The following SIK3 variants were observed in gnomAD, a reference collection of about 807,000 sequenced individuals.
SIK3 encodes the protein SIK family kinase 3.
SIK3 carries 28 observed loss-of-function variants against 144.2 expected under a neutral mutation model. The ratio of observed to expected loss-of-function variants is 0.19; its 90% CI spans 0.14 to 0.27. SIK3 has a LOEUF of 0.27. SIK3 is among the 10% of genes least tolerant of loss of function. The pLI is 1.00. For missense variants in SIK3, 1,319 were observed against 1,776.0 expected, an observed-to-expected ratio of 0.74 and a Z score of 4.62; for synonymous variants, 686 against 676.3, an observed-to-expected ratio of 1.01 and a Z score of -0.22.
intron 6 of SIK3, among the ~76,000 whole-genome samples, chr11:116,888,503 G>A (rs887353511): frequency 8.5e-5 from 13 of 152,308 alleles, no homozygotes; most frequent in East Asian, 3.9e-4. Flanking sequence ...TCTAAGCTAA[G>A]AAAAGCCTAA....
At chr11:116,984,276 G>A (rs1348075300) in intron 1 of SIK3, among the ~76,000 whole-genome samples, 4 of 152,108 alleles carry the variant, frequency 2.6e-5, no homozygotes, top group African/African-American at 9.7e-5. Context: ...TTGGCTATTA[G>A]TAGGCACTGG....
At chr11:116,863,596 C>A in intron 16 of SIK3, 72 bp downstream of exon 16, 1 of 1,602,614 alleles carries the variant, frequency 6.2e-7, no homozygotes, top group Non-Finnish European at 8.5e-7. Context: ...ACGTTTACCA[C>A]CCCAGTCCTC....
chr11:116,882,126 C>G (rs58498695), intron 6 of SIK3, among the ~76,000 whole-genome samples: 165 of 152,174 alleles, frequency 1.1e-3, no homozygotes, highest in African/African-American at 3.8e-3. Flanking sequence ...GAATCACCCA[C>G]AAGCTAGGTT....
At chr11:116,958,159 C>A (rs141983847) in intron 1 of SIK3, among the ~76,000 whole-genome samples, 12 of 152,226 alleles carry the variant, frequency 7.9e-5, no homozygotes, top group Admixed American at 2.6e-4. Flanking sequence ...AGATTCTATG[C>A]ACCAGAGAGG....
Position 116,867,989 on chromosome 11 carries a change from G to A in SIK3, c.1909C>T (p.Arg637Cys), listed in dbSNP as rs55780426. 2.8e-4 allele frequency: 429 copies of A among 1,550,250 alleles called. No homozygotes were observed. Among genetic ancestry groups the A allele is most frequent in the Admixed American group, 1.6e-3 (82 of 50,974 alleles). Residue 637 changes from arginine to cysteine, a missense_variant, in exon 15 of 25, where the codon CGT becomes TGT. Arg to Cys is a radical substitution (Grantham distance 180, BLOSUM62 -3). Around this residue, in one of 8 missense-constraint regions of SIK3, gnomAD observed 47 missense variants for 40.2 expected, o/e 1.17. Coordinates refer to ENST00000445177, the MANE Select transcript of SIK3 (RefSeq NM_001366686.3). This position sits in a 1 kb window ranked among gnomAD's most constrained non-coding sequence, Gnocchi z 4.1. ...LQRQLGQQPFRSRVWPPHLVP... is the reference protein window; with the variant it reads ...LQRQLGQQPFCSRVWPPHLVP... ...AGGTGAGGAGGCCAGACCCGGGAACGGAAAGGCTGCTGTCCTAGCTGCCGT... is the reference window on the plus strand; with the variant it reads ...AGGTGAGGAGGCCAGACCCGGGAACAGAAAGGCTGCTGTCCTAGCTGCCGT...
chr11:117,077,488 CTCTT>C (rs1954603038), intron 1 of SIK3, among the ~76,000 whole-genome samples: 1 of 152,190 alleles, frequency 6.6e-6, no homozygotes, highest in African/African-American at 2.4e-5. Context: ...AATTTGCTGA[CTCTT>C]TCTTTTCCTA....
At chr11:117,082,837 T>C (rs1954845294) in intron 1 of SIK3, among the ~76,000 whole-genome samples, 1 of 152,118 alleles carries the variant, frequency 6.6e-6, no homozygotes, top group African/African-American at 2.4e-5. Flanking sequence ...GGTTAAGTAA[T>C]TTGCCCAAAG....
intron 3 of SIK3, among the ~76,000 whole-genome samples, chr11:116,943,907 A>G (rs1948442096): frequency 6.7e-6 from 1 of 148,400 alleles, no homozygotes; most frequent in African/African-American, 2.6e-5. Flanking sequence ...AATCACATTT[A>G]AAAGTAAAAA....
At chr11:117,058,535 A>G (rs1043281804) in intron 1 of SIK3, among the ~76,000 whole-genome samples, 12 of 151,902 alleles carry the variant, frequency 7.9e-5, no homozygotes, top group Admixed American at 6.6e-4. Flanking sequence ...AAAAAAAAAA[A>G]ATTACCTCCA....
chr11:116,983,259 T>C (rs1316501722), intron 1 of SIK3, among the ~76,000 whole-genome samples: 2 of 141,890 alleles, frequency 1.4e-5, no homozygotes, highest in Admixed American at 1.5e-4. Flanking sequence ...CGGCCAGGCA[T>C]GGTAGCTCAC....
chr11:117,001,102 T>A (rs1950832739), intron 1 of SIK3, among the ~76,000 whole-genome samples: 1 of 152,236 alleles, frequency 6.6e-6, no homozygotes, highest in African/African-American at 2.4e-5. Context: ...CTCTAGTGGG[T>A]GGGGCGATAG....
chr11:117,020,688 G>A (rs1284524562), intron 1 of SIK3, among the ~76,000 whole-genome samples: 1 of 152,174 alleles, frequency 6.6e-6, no homozygotes, highest in African/African-American at 2.4e-5. Flanking sequence ...ACATCCACTT[G>A]CTGGGAGGGT....
chr11:117,051,533 G>GT (rs1436800961), intron 1 of SIK3, among the ~76,000 whole-genome samples: 1 of 151,432 alleles, frequency 6.6e-6, no homozygotes, highest in Non-Finnish European at 1.5e-5. Flanking sequence ...TTTTTTCCTT[G>GT]TTTTTTGTTT....
intron 1 of SIK3, among the ~76,000 whole-genome samples, chr11:117,008,016 C>T (rs1951113759): frequency 7.9e-6 from 1 of 127,050 alleles, no homozygotes; most frequent in East Asian, 2.4e-4. Context: ...GCAGAAGCTG[C>T]AGTAAACTGA....
chr11:116,993,801 T>A (rs1950571754), intron 1 of SIK3, among the ~76,000 whole-genome samples: 1 of 152,114 alleles, frequency 6.6e-6, no homozygotes, highest in Non-Finnish European at 1.5e-5. Context: ...CAATCCTTCA[T>A]CCCAAAAGAT....
rs572494033 is a variant in SIK3, at chr11:116,857,920, C to T, written c.3545G>A (p.Gly1182Glu). The T allele has an allele frequency of 1.1e-5, 17 of 1,614,168 alleles. No homozygotes were observed. The East Asian group carries it at 3.3e-4, about 32-fold the overall frequency. The stretch of plus-strand genomic sequence containing the variant: ...AGTTCCTAGCAAAGATTCAGGGTCC[C>T]CAGGTCCACCGGTACTCAAGAGCAG... ...SPLLLSTGGP[G>E]DPESLLGTVS... is the part of the protein sequence containing the mutation. Residue 1182 changes from glycine to glutamate, a missense_variant, in exon 21 of 25, where the codon GGG becomes GAG. Transcript: ENST00000445177.
chr11:117,084,240 T>C (rs918425587), intron 1 of SIK3, among the ~76,000 whole-genome samples: 2 of 152,108 alleles, frequency 1.3e-5, no homozygotes, highest in African/African-American at 4.8e-5. Context: ...CTTCTGCTGC[T>C]CCCATTATTA....
intron 6 of SIK3, among the ~76,000 whole-genome samples, chr11:116,889,650 CT>C (rs1256618118): frequency 6.6e-6 from 1 of 152,168 alleles, no homozygotes; most frequent in Non-Finnish European, 1.5e-5. Flanking sequence ...AATCCCAAAA[CT>C]TTGGGAGGCC....
intron 1 of SIK3, among the ~76,000 whole-genome samples, chr11:117,053,659 C>G (rs993216750): frequency 2.0e-4 from 30 of 150,378 alleles, no homozygotes; most frequent in African/African-American, 6.6e-4. Context: ...CCCTCCCACC[C>G]TACCCCCTCC....
Sources: gnomAD v4.1 joint callset for allele counts (sites outside exome capture counted in the v4.1 genomes callset) on GRCh38, gnomAD v4.1.1 for gene constraint, gnomAD v4.1.1 regional missense constraint, Gnocchi (gnomAD v3.1) non-coding constraint, MANE v1.5 for transcripts, NCBI Gene and HGNC (gene_info 2026-07-23, HGNC 2026-07-21) for gene names.